REV3L: variants seen among roughly 807,000 people sequenced by gnomAD.
REV3L encodes DNA polymerase zeta catalytic subunit.
REV3L carries 69 observed loss-of-function variants against 299.4 expected under a neutral mutation model. That is an observed-to-expected ratio of 0.23 (90% confidence interval 0.19 to 0.28). The LOEUF (loss-of-function observed/expected upper bound fraction) is 0.28. Ranked by LOEUF, REV3L falls within the 10% of genes least tolerant of loss-of-function variation. The pLI is 1.00. For missense variants in REV3L, 3,128 were observed against 3,693.8 expected (o/e 0.85, Z 3.97); for synonymous variants, 1,238 against 1,271.4 (o/e 0.97, Z 0.56).
chr6:111,483,653 G>T (rs1484169094), upstream of REV3L: 1 of 426,354 alleles, frequency 2.3e-6, no homozygotes, highest in African/African-American at 2.1e-5. Flanking sequence ...CCGCTGAGAC[G>T]GTTTTTCACA....
rs1189019559 is a variant in REV3L, at chr6:111,420,087, C to T, written c.140-3615G>A. ...GTCTCGATCTCCTGACCTCATGATCCACCTGCCTCGGCCTTCCAAAGTGCT... is the reference window on the plus strand; with the variant it reads ...GTCTCGATCTCCTGACCTCATGATCTACCTGCCTCGGCCTTCCAAAGTGCT... On this transcript the variant is annotated intron_variant, in intron 1 of 31. Coordinates refer to ENST00000368802, the MANE Select transcript of REV3L (RefSeq NM_001372078.1). Among the ~76,000 whole-genome samples, 4 of 152,172 alleles carry T rather than the reference C, an allele frequency of 2.6e-5. No individual in the cohort carries two copies. The South Asian group carries it at 8.3e-4, about 32-fold the overall frequency.
intron 25 of REV3L, among the ~76,000 whole-genome samples, chr6:111,326,538 A>C (rs1050945038): frequency 6.6e-6 from 1 of 152,040 alleles, no homozygotes; most frequent in Non-Finnish European, 1.5e-5. Context: ...GTAGAACAAT[A>C]TAGGATGCTG....
intron 1 of REV3L, chr6:111,431,701 G>A: frequency 1.0e-6 from 1 of 959,822 alleles, no homozygotes; most frequent in Non-Finnish European, 1.7e-6. Flanking sequence ...CCCCGTCATG[G>A]AAAACAACTC....
intron 21 of REV3L, among the ~76,000 whole-genome samples, chr6:111,339,663 G>C (rs1776280335): frequency 6.6e-6 from 1 of 152,040 alleles, no homozygotes; most frequent in Admixed American, 6.5e-5. Flanking sequence ...GCTGTTTTCT[G>C]ATCTAAATCT....
chr6:111,323,674 G>C (rs1421049044), intron 25 of REV3L, among the ~76,000 whole-genome samples: 1 of 152,160 alleles, frequency 6.6e-6, no homozygotes, highest in Non-Finnish European at 1.5e-5. Context: ...AAATTAAGGA[G>C]ACTATATAAC....
intron 1 of REV3L, among the ~76,000 whole-genome samples, chr6:111,419,867 T>C (rs950506688): frequency 3.3e-5 from 5 of 152,000 alleles, no homozygotes; most frequent in Non-Finnish European, 5.9e-5. Context: ...TTTTTTGAGA[T>C]GGAGTCTCGC....
In REV3L at chr6:111,375,056, T is replaced by A. The variant is rs1018673488; in HGVS notation, c.3299A>T (p.Asp1100Val). ...PSYNAETEDC[D>V]LNYSDVMSKL... ...AGACATAACATCACTATAATTCAGG[T>A]CACAATCTTCGGTTTCAGCATTGTA... The change falls in exon 13 of 32, where the codon GAC becomes GTC. Residue 1100 changes from aspartate to valine, a missense_variant. By Grantham distance (152) the Asp-to-Val change is radical (BLOSUM62 -3). This residue lies in a region of REV3L where 2,409 missense variants were observed against 2,611.8 expected (regional missense o/e 0.92). Coordinates refer to ENST00000368802, the MANE Select transcript of REV3L (RefSeq NM_001372078.1). 3 of 1,613,862 alleles carry A rather than the reference T, an allele frequency of 1.9e-6. No homozygotes were observed. The African/African-American group carries it at 4.0e-5, about 22-fold the overall frequency.
chr6:111,408,828 G>A (rs886438142), intron 3 of REV3L, among the ~76,000 whole-genome samples: 19 of 151,946 alleles, frequency 1.3e-4, no homozygotes, highest in African/African-American at 3.4e-4. Context: ...AAGACGATAG[G>A]TGCTTGCCAC....
At chr6:111,321,615 G>C (rs762809321) in intron 26 of REV3L, among the ~76,000 whole-genome samples, 1 of 152,218 alleles carries the variant, frequency 6.6e-6, no homozygotes, top group Non-Finnish European at 1.5e-5. Flanking sequence ...GGCTGGTAAT[G>C]AAACAGCTGC....
chr6:111,350,909 A>T (rs2114942563), intron 19 of REV3L, among the ~76,000 whole-genome samples: 1 of 152,092 alleles, frequency 6.6e-6, no homozygotes, highest in South Asian at 2.1e-4. Context: ...TTTTTTGCAA[A>T]GCTAAAAAAC....
At chr6:111,437,573 C>T (rs889522762) in intron 1 of REV3L, among the ~76,000 whole-genome samples, 8 of 150,656 alleles carry the variant, frequency 5.3e-5, no homozygotes, top group African/African-American at 2.0e-4. Flanking sequence ...AAATATTATG[C>T]TAAGGGAGCC....
chr6:111,482,548 C>T (rs954360128), intron 1 of REV3L, among the ~76,000 whole-genome samples: 1 of 151,826 alleles, frequency 6.6e-6, no homozygotes, highest in Admixed American at 6.6e-5. Context: ...GGGGGCGCCG[C>T]GCAGCGCTCG....
chr6:111,376,188 C>T lies in REV3L; in HGVS notation c.2167G>A (p.Gly723Arg), dbSNP rs1562216078. ...GCTGTGCTGTTTCCTTTTTCATTTC[C>T]TTCAGAGGATACTTTATTTTTTGAA... ...NHSKNKVSSE[G>R]NEKGNSTALS... The change falls in exon 13 of 32, where the codon GGA (glycine) becomes AGA (arginine). Residue 723 changes from glycine to arginine, a missense_variant. This residue lies in a region of REV3L where 2,409 missense variants were observed against 2,611.8 expected (regional missense o/e 0.92). Coordinates refer to ENST00000368802, the MANE Select transcript of REV3L (RefSeq NM_001372078.1). 1 of 1,612,202 alleles carries T rather than the reference C, an allele frequency of 6.2e-7. No homozygotes were observed. Among genetic ancestry groups the T allele is most frequent in the East Asian group, 2.2e-5 (1 of 44,856 alleles).
chr6:111,420,197 G>A (rs1785176694), intron 1 of REV3L, among the ~76,000 whole-genome samples: 1 of 152,092 alleles, frequency 6.6e-6, no homozygotes. Context: ...GTAACATATA[G>A]ATTTAAGGAA....
At chr6:111,412,768 A>T (rs529834967) in intron 2 of REV3L, among the ~76,000 whole-genome samples, 16 of 113,620 alleles carry the variant, frequency 1.4e-4, no homozygotes, top group African/African-American at 6.5e-4. Context: ...ATTTCTGTTA[A>T]AAAAAAAAAA....
chr6:111,359,882 T>C (rs1038641436), intron 16 of REV3L, among the ~76,000 whole-genome samples: 2 of 152,212 alleles, frequency 1.3e-5, no homozygotes, highest in East Asian at 3.8e-4. Flanking sequence ...TTATCTTGCA[T>C]GCAAACTGTT....
intron 1 of REV3L, among the ~76,000 whole-genome samples, chr6:111,433,377 C>G (rs79220830): frequency 0.031 from 4,675 of 151,908 alleles, 220 homozygotes; most frequent in African/African-American, 0.11. Context: ...ACTGAGACCA[C>G]AGAAATACAA....
At chr6:111,417,343 T>C (rs1021240596) in intron 1 of REV3L, among the ~76,000 whole-genome samples, 5 of 152,188 alleles carry the variant, frequency 3.3e-5, no homozygotes, top group Non-Finnish European at 5.9e-5. Context: ...ATTGCTCTCA[T>C]GAATCTGGCA....
intron 25 of REV3L, among the ~76,000 whole-genome samples, chr6:111,327,101 A>G (rs943263459): frequency 2.0e-5 from 3 of 152,216 alleles, no homozygotes; most frequent in African/African-American, 7.2e-5. Context: ...CCCTATTCCT[A>G]AACTTCCACT....
Sources: allele counts gnomAD v4.1 joint callset (sites outside exome capture counted in the v4.1 genomes callset), GRCh38; gene constraint gnomAD v4.1.1; regional missense constraint gnomAD v4.1.1; transcripts MANE v1.5; gene names NCBI Gene and HGNC (gene_info 2026-07-23, HGNC 2026-07-21).